Variants in GCNT2 observed in about 807,000 individuals in gnomAD.
GCNT2 encodes N-acetyllactosaminide beta-1,6-N-acetylglucosaminyl-transferase.
Under a neutral mutation model 34.2 loss-of-function variants are expected in GCNT2, and 34 were observed. That is an observed-to-expected ratio of 1.00 (90% CI 0.76 to 1.32). GCNT2 has a LOEUF of 1.32. Among genes scored for constraint, GCNT2 ranks in the 40% most tolerant of loss-of-function variants. The pLI is 0.00. For synonymous variants in GCNT2, 212 were observed against 188.0 expected (o/e 1.13, Z -1.04); for missense variants, 584 against 489.4 (o/e 1.19, Z -1.82).
At position 10,556,488 on chromosome 6, in the gene GCNT2, T is replaced by C. The variant is rs530260930; in HGVS notation, c.925+26652T>C. 9.9e-6 allele frequency: 16 copies of C among 1,614,164 alleles called. 1 individual carries two copies. The South Asian group carries it at 1.8e-4, about 18-fold the overall frequency. On this transcript the variant is annotated intron_variant, in intron 3 of 4. Transcript: ENST00000495262. ...TCTAGTGTAATTATTTTTATCGTCT[T>C]CTCTGTGTTCAATTTTGGGGGAGAT...
chr6:10,623,732 G>A (rs1766145571), intron 4 of GCNT2, among the ~76,000 whole-genome samples: 1 of 152,166 alleles, frequency 6.6e-6, no homozygotes, highest in African/African-American at 2.4e-5. Flanking sequence ...TCTTCCCAGA[G>A]CAGAAGCTCC....
chr6:10,591,370 A>G (rs1357824104), intron 3 of GCNT2, among the ~76,000 whole-genome samples: 2 of 152,202 alleles, frequency 1.3e-5, no homozygotes, highest in African/African-American at 4.8e-5. Flanking sequence ...TTTTGGTAGT[A>G]GGGATTGGAG....
intron 1 of GCNT2, among the ~76,000 whole-genome samples, chr6:10,523,378 A>G (rs1400316363): frequency 1.4e-5 from 2 of 147,124 alleles, no homozygotes; most frequent in East Asian, 4.4e-4. Flanking sequence ...GTGAGCCGGG[A>G]TGGCGTCATT....
At chr6:10,593,856 T>C (rs1764744977) in intron 3 of GCNT2, among the ~76,000 whole-genome samples, 2 of 152,208 alleles carry the variant, frequency 1.3e-5, no homozygotes, top group Non-Finnish European at 2.9e-5. Context: ...CCATCCTCCT[T>C]TGTTTGAGCC....
chr6:10,577,668 G>A (rs1763882210), intron 3 of GCNT2, among the ~76,000 whole-genome samples: 1 of 152,068 alleles, frequency 6.6e-6, no homozygotes, highest in Admixed American at 6.6e-5. Flanking sequence ...AGCCTCCCGA[G>A]TAGCTGGGAT....
chr6:10,563,786 A>ATATATATATG (rs1763155406), intron 3 of GCNT2, among the ~76,000 whole-genome samples: 1 of 99,772 alleles, frequency 1.0e-5, no homozygotes, highest in Non-Finnish European at 1.9e-5. Flanking sequence ...AAATATATAT[A>ATATATATATG]TATATATATA....
intron 3 of GCNT2, among the ~76,000 whole-genome samples, chr6:10,542,175 A>G (rs1295825452): frequency 6.6e-6 from 1 of 152,178 alleles, no homozygotes; most frequent in Non-Finnish European, 1.5e-5. Flanking sequence ...CTACCGTCCA[A>G]GTCACTGATA....
chr6:10,553,497 T>TC (rs1214514747), intron 3 of GCNT2, among the ~76,000 whole-genome samples: 1 of 152,220 alleles, frequency 6.6e-6, no homozygotes, highest in Non-Finnish European at 1.5e-5. Context: ...CTTTGATTAT[T>TC]ATTTTTTTAA....
intron 3 of GCNT2, among the ~76,000 whole-genome samples, chr6:10,569,859 C>T (rs1248625267): frequency 7.4e-5 from 11 of 149,438 alleles, no homozygotes; most frequent in Non-Finnish European, 8.9e-5. Context: ...CTCTTTCTTT[C>T]TCTTTCTTTC....
At chr6:10,557,164 G>T (rs200874437) in intron 3 of GCNT2, 2 of 1,548,306 alleles carry the variant, frequency 1.3e-6, no homozygotes, top group Admixed American at 4.1e-5. Flanking sequence ...GAACAACAGC[G>T]TTGAAACCGC....
At chr6:10,625,150 C>T (rs1766203861) in intron 4 of GCNT2, among the ~76,000 whole-genome samples, 1 of 152,156 alleles carries the variant, frequency 6.6e-6, no homozygotes, top group Non-Finnish European at 1.5e-5. Context: ...TCCTTCTGTA[C>T]TAGTGTCTTC....
At chr6:10,521,712 A>C (rs1182733068) in intron 1 of GCNT2, 1 of 151,478 alleles carries the variant, frequency 6.6e-6, no homozygotes, top group African/African-American at 2.4e-5. Flanking sequence ...TGATGGGCCT[A>C]CTGGGCACGA....
At chr6:10,581,189 T>C (rs1292385910) in intron 3 of GCNT2, among the ~76,000 whole-genome samples, 1 of 152,246 alleles carries the variant, frequency 6.6e-6, no homozygotes, top group East Asian at 1.9e-4. Context: ...CTCAGTCTGT[T>C]CATCTAAACC....
chr6:10,579,342 T>C (rs1467670705), intron 3 of GCNT2, among the ~76,000 whole-genome samples: 2 of 152,332 alleles, frequency 1.3e-5, no homozygotes, highest in East Asian at 3.9e-4. Flanking sequence ...TTAAATAGAA[T>C]GTGCAGAATA....
chr6:10,556,027 G>A (rs891798572), intron 3 of GCNT2: 4 of 1,135,192 alleles, frequency 3.5e-6, no homozygotes, highest in Non-Finnish European at 4.3e-6. Flanking sequence ...TTCCCTGAAT[G>A]GCAGTAACCA....
At chr6:10,620,784 A>G (rs938044193) in intron 3 of GCNT2, among the ~76,000 whole-genome samples, 1 of 152,214 alleles carries the variant, frequency 6.6e-6, no homozygotes, top group Non-Finnish European at 1.5e-5. Context: ...TTTCATAGAC[A>G]GGGTTATTGA....
At chr6:10,531,331 T>C (rs983460308) in intron 3 of GCNT2, among the ~76,000 whole-genome samples, 3 of 152,214 alleles carry the variant, frequency 2.0e-5, no homozygotes, top group Admixed American at 6.5e-5. Context: ...AAAATAAGAA[T>C]TCATATTTGC....
intron 3 of GCNT2, chr6:10,556,475 A>AT (rs774780806): frequency 2.5e-6 from 4 of 1,614,094 alleles, no homozygotes; most frequent in Non-Finnish European, 3.4e-6. Flanking sequence ...TAGTGTAATT[A>AT]TTTTTATCGT....
intron 3 of GCNT2, among the ~76,000 whole-genome samples, chr6:10,540,366 A>G (rs1435178245): frequency 7.4e-6 from 1 of 135,860 alleles, no homozygotes; most frequent in East Asian, 2.0e-4. Context: ...AATACTCTTT[A>G]TCTTTGCTGC....
Sources: gnomAD v4.1 joint callset for allele counts (sites outside exome capture counted in the v4.1 genomes callset) on GRCh38, gnomAD v4.1.1 for gene constraint, MANE v1.5 for transcripts, NCBI Gene and HGNC (gene_info 2026-07-23, HGNC 2026-07-21) for gene names.